The following TNFRSF10A variants were observed in gnomAD, a reference collection of about 807,000 sequenced individuals.
The protein encoded by TNFRSF10A is TNF receptor superfamily member 10a, also known as tumor necrosis factor receptor superfamily member 10A.
A neutral mutation model predicts 42.8 loss-of-function variants in TNFRSF10A; 44 were observed. The observed-to-expected ratio is 1.03, with a 90% confidence interval of 0.81 to 1.32. TNFRSF10A has a LOEUF of 1.32. TNFRSF10A is among the 40% of genes most tolerant of loss of function. The probability of loss-of-function intolerance (pLI) is 0.00; values close to 1 mark genes in which losing one functional copy is unlikely to be tolerated. For synonymous variants in TNFRSF10A, 259 were observed against 234.2 expected (o/e 1.11, Z -0.97); for missense variants, 680 against 602.0 (o/e 1.13, Z -1.36).
chr8:23,217,220 T>C (rs1444675336), intron 1 of TNFRSF10A, among the ~76,000 whole-genome samples: 2 of 152,158 alleles, frequency 1.3e-5, no homozygotes, highest in Non-Finnish European at 2.9e-5. Flanking sequence ...TGAATTCATT[T>C]TTTTTTTCTT....
chr8:23,196,121 A>G (rs1467446914), intron 9 of TNFRSF10A, among the ~76,000 whole-genome samples: 6 of 152,098 alleles, frequency 3.9e-5, no homozygotes, highest in Admixed American at 2.0e-4. Flanking sequence ...ACTACATCCA[A>G]TGGGATGCTG....
chr8:23,212,107 A>G lies in TNFRSF10A; in HGVS notation c.403+9T>C, dbSNP rs763384695. ...GTGTAAAGGATTAGAGATCAGTCTT[A>G]GAATGTACCTGGTGGACACAACTCT... On this transcript the variant is annotated intron_variant, in intron 2 of 9. Transcript: ENST00000221132. 3.7e-6 allele frequency: 6 copies of G among 1,611,034 alleles called. No individual in the cohort carries two copies. In the African/African-American group the frequency reaches 8.0e-5, roughly 22 times the overall value.
chr8:23,191,874 A>C lies in TNFRSF10A; in HGVS notation c.1227T>G (p.Tyr409Ter). The stretch of plus-strand genomic sequence containing the variant: ...TGTTGACCCATTTCATCAGCATTGC[A>C]TACAAGGCATCCCCTGGGCCTGCTG... Reference protein sequence around the residue: ...AGTAGPGDALYAMLMKWVNKT... With the variant: ...AGTAGPGDAL The change falls in exon 10 of 10, where the codon TAT (tyrosine) becomes TAG (stop). Residue 409 changes from tyrosine to a stop codon, truncating the protein, a stop_gained. Coordinates refer to ENST00000221132, the MANE Select transcript of TNFRSF10A (RefSeq NM_003844.4). LOFTEE classifies it low-confidence loss of function (END_TRUNC). The C allele has an allele frequency of 2.5e-6, 4 of 1,614,048 alleles. No homozygotes were observed. The highest frequency in any genetic ancestry group is 3.4e-6 in the Non-Finnish European group (4 of 1,179,980).
Position 23,191,333 on chromosome 8 carries a change from A to G in TNFRSF10A, c.*361T>C. ...TTTATTTTATTTTATCTTGAGACAGAGTCTTGCTCTGTGTCCCAGGCTGGA... is the reference window on the plus strand; with the variant it reads ...TTTATTTTATTTTATCTTGAGACAGGGTCTTGCTCTGTGTCCCAGGCTGGA... On this transcript the variant is annotated 3_prime_UTR_variant, in exon 10 of 10. Coordinates refer to ENST00000221132, the MANE Select transcript of TNFRSF10A (RefSeq NM_003844.4). 1 of 252,054 alleles carries G rather than the reference A, an allele frequency of 4.0e-6. No homozygotes were observed. Among genetic ancestry groups the G allele is most frequent in the Non-Finnish European group, 7.5e-6 (1 of 133,626 alleles). 15.6% of individuals were successfully genotyped at this position (252,054 alleles called of 1,614,324 possible).
chr8:23,221,048 C>T (rs1293574128), intron 1 of TNFRSF10A, among the ~76,000 whole-genome samples: 2 of 152,246 alleles, frequency 1.3e-5, no homozygotes, highest in African/African-American at 2.4e-5. Flanking sequence ...ACGGCCCCTC[C>T]CCATGGCGCT....
rs576862449 is a variant in TNFRSF10A at position 23,215,495 on chromosome 8, G to A, written c.307-3283C>T. On this transcript the variant is annotated intron_variant, in intron 1 of 9. Transcript: ENST00000221132. ...TGCACCCCGGCCTGCATGACAGAGC[G>A]AGACTCCGACTCAAAAAATAGCATA... Among the ~76,000 whole-genome samples, 297 of 151,568 alleles carry A rather than the reference G, an allele frequency of 2.0e-3. 2 individuals are homozygous for A. Among genetic ancestry groups the A allele is most frequent in the African/African-American group, 6.8e-3 (281 of 41,314 alleles).
chr8:23,192,756 A>G (rs1440463163), intron 9 of TNFRSF10A, among the ~76,000 whole-genome samples: 1 of 152,248 alleles, frequency 6.6e-6, no homozygotes, highest in African/African-American at 2.4e-5. Context: ...ATGAGTATAC[A>G]AAAACTGAAA....
At position 23,200,552 on chromosome 8, in the gene TNFRSF10A, G is replaced by A. The variant is rs199946162; in HGVS notation, c.752C>T (p.Pro251Leu). The A allele has an allele frequency of 7.4e-6, 12 of 1,614,106 alleles. No individual in the cohort carries two copies. In the East Asian group the frequency reaches 1.1e-4, roughly 15 times the overall value. The change falls in exon 6 of 10, where the codon CCG (proline) becomes CTG (leucine). Residue 251 changes from proline to leucine, a missense_variant. Pro to Leu is a moderately conservative substitution (Grantham distance 98). Transcript: ENST00000221132. ...AATCAGCACAGCCACCAACAGCAAC[G>A]GAACAACCAAAGTCACAACCAAAAT... ...WVILVVTLVV[P>L]LLLVAVLIVC...
At chr8:23,216,533 G>C (rs1406448921) in intron 1 of TNFRSF10A, among the ~76,000 whole-genome samples, 3 of 152,132 alleles carry the variant, frequency 2.0e-5, no homozygotes, top group Non-Finnish European at 4.4e-5. Context: ...CACGAGGTCA[G>C]GAGTTCAAGA....
At chr8:23,216,939 G>C (rs946437131) in intron 1 of TNFRSF10A, among the ~76,000 whole-genome samples, 2 of 152,030 alleles carry the variant, frequency 1.3e-5, no homozygotes, top group Non-Finnish European at 2.9e-5. Flanking sequence ...TTGTTTTATA[G>C]TTCACAATGT....
At chr8:23,215,868 G>C (rs945347730) in intron 1 of TNFRSF10A, among the ~76,000 whole-genome samples, 3 of 151,518 alleles carry the variant, frequency 2.0e-5, no homozygotes, top group Admixed American at 1.3e-4. Context: ...GCCCAGGCTG[G>C]AGTGCAGTGG....
chr8:23,191,895 T>G lies in TNFRSF10A; in HGVS notation c.1206A>C (p.Ala402=). 6.2e-7 allele frequency: 1 copy of G among 1,614,186 alleles called. No homozygotes were observed. The highest frequency in any genetic ancestry group is 8.5e-7 in the Non-Finnish European group (1 of 1,180,038). The change falls in exon 10 of 10, where the codon GCA becomes GCC. Residue 402 remains alanine, a synonymous_variant. Transcript: ENST00000221132. ...TTGCATACAAGGCATCCCCTGGGCCTGCTGTACCAGCTCTGACCACATCGA... is the reference window on the plus strand; with the variant it reads ...TTGCATACAAGGCATCCCCTGGGCCGGCTGTACCAGCTCTGACCACATCGA... ...NEIDVVRAGT[A]GPGDALYAML... is the part of the protein sequence containing the mutation.
chr8:23,217,575 T>G (rs1244477422), intron 1 of TNFRSF10A, among the ~76,000 whole-genome samples: 2 of 152,108 alleles, frequency 1.3e-5, no homozygotes, highest in East Asian at 3.9e-4. Context: ...TAATAGCAAG[T>G]GAAAACCTGA....
chr8:23,193,447 G>A (rs1563376151), intron 9 of TNFRSF10A, among the ~76,000 whole-genome samples: 1 of 152,224 alleles, frequency 6.6e-6, no homozygotes, highest in Non-Finnish European at 1.5e-5. Context: ...CCAGACAGCA[G>A]GATCTGCTCT....
In TNFRSF10A at chr8:23,200,725, G is replaced by A. The variant is rs776864330; in HGVS notation, c.665C>T (p.Thr222Met). Residue 222 changes from threonine (T) to methionine (M), a missense_variant, in exon 5 of 10, where the codon ACG becomes ATG. Coordinates refer to ENST00000221132, the MANE Select transcript of TNFRSF10A (RefSeq NM_003844.4). ...GACACACTCGATGTCACTCCAGGGC[G>A]TACAATCCTTGACCTTGACCATCCC... ...PRGMVKVKDC[T>M]PWSDIECVHK... 32 of 1,464,534 alleles carry A rather than the reference G, an allele frequency of 2.2e-5. No homozygotes were observed. The highest frequency in any genetic ancestry group is 3.4e-5 in the South Asian group (3 of 89,216). The allele number at this position is 1,464,534 out of a possible 1,614,324, so 90.7% of individuals were successfully genotyped here. A position where few individuals can be genotyped will look rare whatever the true frequency, so the allele number is the denominator to read the frequency against.
chr8:23,200,386 A>G lies in TNFRSF10A; in HGVS notation c.799+119T>C, dbSNP rs185662151. 5.5e-5 allele frequency: 61 copies of G among 1,116,594 alleles called. No individual in the cohort carries two copies. The African/African-American group carries it at 8.2e-4, about 15-fold the overall frequency. The allele number at this position is 1,116,594 out of a possible 1,614,324, so 69.2% of individuals were successfully genotyped here. A position where few individuals can be genotyped will look rare whatever the true frequency, so the allele number is the denominator to read the frequency against. On this transcript the variant is annotated intron_variant, in intron 6 of 9. Coordinates refer to ENST00000221132, the MANE Select transcript of TNFRSF10A (RefSeq NM_003844.4). Reference sequence around the variant, plus strand: ...AGGATGGGGGGTGATCACAAGGAGGAAGATAGAGCCCGGCCAGAGACACTA... The same window carrying G: ...AGGATGGGGGGTGATCACAAGGAGGGAGATAGAGCCCGGCCAGAGACACTA...
intron 2 of TNFRSF10A, among the ~76,000 whole-genome samples, chr8:23,205,823 GC>G (rs1425816920): frequency 6.7e-6 from 1 of 149,200 alleles, no homozygotes; most frequent in Non-Finnish European, 1.5e-5. Context: ...CGATTATCCT[GC>G]CTCAGCCTCA....
chr8:23,201,574 G>A (rs899316012), intron 4 of TNFRSF10A, among the ~76,000 whole-genome samples: 40 of 152,046 alleles, frequency 2.6e-4, no homozygotes, highest in African/African-American at 9.2e-4. Context: ...ACTAGTGCTG[G>A]GGAGGGGTGA....
chr8:23,194,168 T>A (rs1800793029), intron 9 of TNFRSF10A, among the ~76,000 whole-genome samples: 1 of 152,230 alleles, frequency 6.6e-6, no homozygotes. Flanking sequence ...TGGAGAGAGT[T>A]CAAAGGTAAA....
Sources: gnomAD v4.1 joint callset for allele counts (sites outside exome capture counted in the v4.1 genomes callset) on GRCh38, gnomAD v4.1.1 for gene constraint, MANE v1.5 for transcripts, NCBI Gene and HGNC (gene_info 2026-07-23, HGNC 2026-07-21) for gene names.